Variants in DLGAP1 observed in about 807,000 individuals in gnomAD.
DLGAP1 encodes disks large-associated protein 1.
Under a neutral mutation model 90.8 loss-of-function variants are expected in DLGAP1, and 11 were observed. The ratio of observed to expected loss-of-function variants is 0.12; its 90% CI spans 0.08 to 0.20. DLGAP1 has a LOEUF of 0.20. Among genes scored for constraint, DLGAP1 ranks in the 10% least tolerant of loss-of-function variants. The pLI is 1.00. For missense variants in DLGAP1, 1,050 were observed against 1,333.8 expected (o/e 0.79, Z 3.31); for synonymous variants, 558 against 540.7 (o/e 1.03, Z -0.44).
chr18:4,140,796 G>C (rs2076483430), intron 2 of DLGAP1, among the ~76,000 whole-genome samples: 1 of 151,838 alleles, frequency 6.6e-6, no homozygotes. Context: ...GGATATTTTT[G>C]CTGGACATAT....
At position 3,833,198 on chromosome 18, in the gene DLGAP1, CT is replaced by C. The variant is rs1568210728; in HGVS notation, c.958-18926del. On this transcript the variant is annotated intron_variant, in intron 4 of 12. Transcript: ENST00000315677. ...CCTTCCTTCCTTCCTTCCTTCCTTC[CT>C]TCCTTCCTTCCTTCCTTCCTTCCTT... Among the ~76,000 whole-genome samples the C allele has an allele frequency of 2.0e-3, 23 of 11,222 alleles. 2 individuals carry two copies. The highest frequency in any genetic ancestry group is 3.4e-3 in the Non-Finnish European group (17 of 4,952). 7.4% of individuals were successfully genotyped at this position (11,222 alleles called of 152,430 possible).
At chr18:3,989,656 T>G (rs2073920757) in intron 3 of DLGAP1, among the ~76,000 whole-genome samples, 1 of 152,182 alleles carries the variant, frequency 6.6e-6, no homozygotes, top group Non-Finnish European at 1.5e-5. Flanking sequence ...ACTAAAGAGC[T>G]TCTGCACAGC....
chr18:3,516,680 G>A (rs899552728), intron 10 of DLGAP1, among the ~76,000 whole-genome samples: 27 of 152,176 alleles, frequency 1.8e-4, no homozygotes, highest in Middle Eastern at 3.2e-3. Context: ...TGAAAGGCAC[G>A]TCTTACATGG....
intron 2 of DLGAP1, among the ~76,000 whole-genome samples, chr18:4,147,683 G>T (rs1034173240): frequency 6.6e-6 from 1 of 151,872 alleles, no homozygotes; most frequent in Non-Finnish European, 1.5e-5. Context: ...ACACAGTAAA[G>T]GATATAAAAA....
intron 11 of DLGAP1, among the ~76,000 whole-genome samples, chr18:3,505,730 T>C (rs370844723): frequency 1.5e-3 from 224 of 151,432 alleles, no homozygotes; most frequent in African/African-American, 5.2e-3. Context: ...TTCAGCAGGG[T>C]GTCAGGCACA....
At chr18:4,422,678 A>G (rs1017756013) in intron 1 of DLGAP1, among the ~76,000 whole-genome samples, 1 of 152,096 alleles carries the variant, frequency 6.6e-6, no homozygotes, top group African/African-American at 2.4e-5. Context: ...TAAACATCAC[A>G]AAGTCCAAAC....
chr18:3,805,369 TG>T (rs1162176666), intron 5 of DLGAP1, among the ~76,000 whole-genome samples: 1 of 152,162 alleles, frequency 6.6e-6, no homozygotes, highest in Non-Finnish European at 1.5e-5. Context: ...CTAGACAACA[TG>T]GGATTCAGAG....
At chr18:3,750,037 T>C (rs538331482) in intron 5 of DLGAP1, among the ~76,000 whole-genome samples, 1 of 152,332 alleles carries the variant, frequency 6.6e-6, no homozygotes, top group East Asian at 1.9e-4. Flanking sequence ...TGTGTGATAC[T>C]GAGGTTTTGG....
At chr18:4,371,885 C>A (rs547590762) in intron 1 of DLGAP1, among the ~76,000 whole-genome samples, 1 of 152,308 alleles carries the variant, frequency 6.6e-6, no homozygotes, top group African/African-American at 2.4e-5. Flanking sequence ...GTTTCAATTT[C>A]CAGCCACAAA....
chr18:4,143,677 C>T (rs1211447199), intron 2 of DLGAP1, among the ~76,000 whole-genome samples: 3 of 152,006 alleles, frequency 2.0e-5, no homozygotes, highest in Non-Finnish European at 2.9e-5. Context: ...TTTTCACAAG[C>T]AGAAATGGTC....
intron 1 of DLGAP1, among the ~76,000 whole-genome samples, chr18:4,228,331 C>T (rs1437963707): frequency 6.6e-6 from 1 of 151,908 alleles, no homozygotes; most frequent in East Asian, 1.9e-4. Context: ...ATACTTCCAA[C>T]CTCATTCTAT....
chr18:3,559,787 T>C (rs1269688310), intron 9 of DLGAP1, among the ~76,000 whole-genome samples: 2 of 152,002 alleles, frequency 1.3e-5, no homozygotes, highest in African/African-American at 4.8e-5. Context: ...CGTGCCCAGC[T>C]AATTTTTGTA....
chr18:3,974,159 C>A (rs2073518912), intron 3 of DLGAP1, among the ~76,000 whole-genome samples: 2 of 152,078 alleles, frequency 1.3e-5, no homozygotes. Flanking sequence ...ACTGCAACCT[C>A]CGCCTCCTGG....
At chr18:4,355,576 GTC>G (rs1424772229) in intron 1 of DLGAP1, among the ~76,000 whole-genome samples, 1 of 151,970 alleles carries the variant, frequency 6.6e-6, no homozygotes, top group Admixed American at 6.6e-5. Context: ...AACACACACT[GTC>G]TCACACACAC....
intron 7 of DLGAP1, among the ~76,000 whole-genome samples, chr18:3,668,873 T>C (rs2059975096): frequency 6.6e-6 from 1 of 151,998 alleles, no homozygotes; most frequent in East Asian, 1.9e-4. Context: ...TGGCAGGTGC[T>C]ACTTGGGAGG....
At chr18:4,225,014 C>A (rs765447683) in intron 1 of DLGAP1, among the ~76,000 whole-genome samples, 6 of 152,072 alleles carry the variant, frequency 3.9e-5, no homozygotes, top group Non-Finnish European at 8.8e-5. Context: ...CACACACATG[C>A]ATGCACACAC....
intron 1 of DLGAP1, among the ~76,000 whole-genome samples, chr18:4,311,208 T>G (rs1274102684): frequency 6.6e-6 from 1 of 152,246 alleles, no homozygotes; most frequent in African/African-American, 2.4e-5. Context: ...TCACTGCTAC[T>G]GGATACTGAC....
chr18:3,886,697 A>G lies in DLGAP1; in HGVS notation c.-72-6557T>C, dbSNP rs111493303. ...CAGAAGCTTGTCCATGCCAGGTTAT[A>G]ACATACCACTAAAGAGAAAGAAAAG... On this transcript the variant is annotated intron_variant, in intron 3 of 12. Coordinates refer to ENST00000315677, the MANE Select transcript of DLGAP1 (RefSeq NM_004746.4). Among the ~76,000 whole-genome samples the G allele has an allele frequency of 6.0e-3, 921 of 152,316 alleles. 13 individuals are homozygous for G. The highest frequency in any genetic ancestry group is 0.021 in the African/African-American group (867 of 41,562).
At chr18:3,774,233 C>G (rs558104052) in intron 5 of DLGAP1, 1 of 152,298 alleles carries the variant, frequency 6.6e-6, no homozygotes, top group East Asian at 1.9e-4. Context: ...TCAAGTTCAA[C>G]CTGGGTCTGC....
Sources: allele counts gnomAD v4.1 joint callset (sites outside exome capture counted in the v4.1 genomes callset), GRCh38; gene constraint gnomAD v4.1.1; transcripts MANE v1.5; gene names NCBI Gene and HGNC (gene_info 2026-07-23, HGNC 2026-07-21).